The following LINGO1 variants were observed in gnomAD, a reference collection of about 807,000 sequenced individuals.
The protein encoded by LINGO1 is leucine rich repeat and Ig domain containing 1, also known as leucine-rich repeat and immunoglobulin-like domain-containing nogo receptor-interacting protein 1.
A neutral mutation model predicts 37.3 loss-of-function variants in LINGO1; 11 were observed. The observed-to-expected ratio is 0.29, with a 90% CI of 0.19 to 0.49. The LOEUF (loss-of-function observed/expected upper bound fraction) is 0.49, where lower values mean the gene tolerates loss of function less well. LINGO1 is among the 20% of genes least tolerant of loss of function. The probability of loss-of-function intolerance (pLI) is 0.99; values close to 1 mark genes in which losing one functional copy is unlikely to be tolerated. For missense variants in LINGO1, 585 were observed against 878.2 expected (o/e 0.67, Z 4.22); for synonymous variants, 387 against 403.0 (o/e 0.96, Z 0.48).
At chr15:77,685,239 G>A (rs953599308) in intron 2 of LINGO1, among the ~76,000 whole-genome samples, 1 of 152,152 alleles carries the variant, frequency 6.6e-6, no homozygotes, top group Non-Finnish European at 1.5e-5. Context: ...GGGGTGATCT[G>A]TGGAGGAGGC....
chr15:77,754,446 A>G (rs1222388392), intron 1 of LINGO1, among the ~76,000 whole-genome samples: 1 of 152,234 alleles, frequency 6.6e-6, no homozygotes, highest in Admixed American at 6.5e-5. Flanking sequence ...CTCCATAATT[A>G]TGGATAATAA....
intron 2 of LINGO1, among the ~76,000 whole-genome samples, chr15:77,688,499 C>T (rs1173552446): frequency 5.9e-5 from 9 of 151,790 alleles, no homozygotes; most frequent in African/African-American, 2.2e-4. Flanking sequence ...TCCTGACCCT[C>T]GGAGGGCAGA....
intron 1 of LINGO1, among the ~76,000 whole-genome samples, chr15:77,754,285 A>C: frequency 1.7e-5 from 2 of 117,974 alleles, no homozygotes; most frequent in South Asian, 3.2e-4. Flanking sequence ...TGTGGAGGGA[A>C]GGGAGGGAGG....
At chr15:77,664,170 T>TGTGTGTGTGTGTGCGCGC in intron 3 of LINGO1, among the ~76,000 whole-genome samples, 117 of 130,994 alleles carry the variant, frequency 8.9e-4, no homozygotes, top group African/African-American at 4.2e-3. Context: ...TGTGTGTGTG[T>TGTGTGTGTGTGTGCGCGC]GCGCGCGCGC....
At chr15:77,616,063 T>A (rs2073709785) in intron 1 of LINGO1, among the ~76,000 whole-genome samples, 163 bp from the exon 2 acceptor site, 1 of 152,084 alleles carries the variant, frequency 6.6e-6, no homozygotes, top group Non-Finnish European at 1.5e-5. Context: ...TCTGGCCTCC[T>A]CATGCTGCCC....
upstream of LINGO1, among the ~76,000 whole-genome samples, chr15:77,700,130 G>A (rs935815371): frequency 1.3e-5 from 2 of 152,150 alleles, no homozygotes; most frequent in Non-Finnish European, 2.9e-5. Context: ...CCCAGGTAGA[G>A]GGTCCCTTGG....
At chr15:77,660,366 CA>C (rs1467059863) in intron 3 of LINGO1, among the ~76,000 whole-genome samples, 2 of 152,216 alleles carry the variant, frequency 1.3e-5, no homozygotes, top group Non-Finnish European at 2.9e-5. Flanking sequence ...GGGACTTTCT[CA>C]GGGGTGCTCT....
In LINGO1 at chr15:77,614,034, C is replaced by A. The variant is rs772427180; in HGVS notation, c.*10G>T. ...CGGCCGCCCGGGGGTCCCTGCCCCCCGCCCCGGCCTCATATCATCTTCATG... is the reference window on the plus strand; with the variant it reads ...CGGCCGCCCGGGGGTCCCTGCCCCCAGCCCCGGCCTCATATCATCTTCATG... On this transcript the variant is annotated 3_prime_UTR_variant, in exon 2 of 2. Coordinates refer to ENST00000355300, the MANE Select transcript of LINGO1 (RefSeq NM_032808.7). 4 of 1,554,382 alleles carry A rather than the reference C, an allele frequency of 2.6e-6. No homozygotes were observed. The highest frequency in any genetic ancestry group is 1.7e-4 in the Middle Eastern group (1 of 5,778).
In LINGO1 at chr15:77,794,494, ACG is replaced by A. The variant is rs1299093799; in HGVS notation, c.-343+1443_-343+1444del. On this transcript the variant is annotated intron_variant, in intron 2 of 5. Transcript: ENST00000562933. ...CGTATATGTATATACATACATATATACGTATATATGTGTATATACATACATAT... is the reference window on the plus strand; with the variant it reads ...CGTATATGTATATACATACATATATATATATATGTGTATATACATACATAT... 8.7e-4 allele frequency among the ~76,000 whole-genome samples: 111 copies of A among 127,968 alleles called. 5 individuals are homozygous for A. Among genetic ancestry groups the A allele is most frequent in the African/African-American group, 3.2e-3 (108 of 34,214 alleles). The allele number at this position is 127,968 out of a possible 152,430, so 84.0% of individuals were successfully genotyped here. A position where few individuals can be genotyped will look rare whatever the true frequency, so the allele number is the denominator to read the frequency against.
intron 1 of LINGO1, among the ~76,000 whole-genome samples, chr15:77,692,085 G>C (rs2075614127): frequency 6.6e-6 from 1 of 152,350 alleles, no homozygotes; most frequent in South Asian, 2.1e-4. Context: ...GCTGCCCTTT[G>C]TGCCATGATG....
At chr15:77,680,246 TC>T (rs957533418) in intron 2 of LINGO1, among the ~76,000 whole-genome samples, 3 of 152,046 alleles carry the variant, frequency 2.0e-5, no homozygotes, top group Non-Finnish European at 2.9e-5. Context: ...CCTGCCCACA[TC>T]CCACACCGGG....
chr15:77,670,807 G>A (rs1186136682), intron 3 of LINGO1, among the ~76,000 whole-genome samples: 1 of 152,218 alleles, frequency 6.6e-6, no homozygotes, highest in Non-Finnish European at 1.5e-5. Flanking sequence ...GCACAAGAAG[G>A]CAGGCAGCTC....
At chr15:77,756,826 C>CTCTATACAGTATATA (rs1276911306) in intron 1 of LINGO1, among the ~76,000 whole-genome samples, 1 of 152,194 alleles carries the variant, frequency 6.6e-6, no homozygotes, top group Non-Finnish European at 1.5e-5. Flanking sequence ...CTGAATGTCC[C>CTCTATACAGTATATA]CACGTATATA....
intron 1 of LINGO1, among the ~76,000 whole-genome samples, chr15:77,783,115 C>A (rs1232238330): frequency 1.3e-5 from 2 of 152,194 alleles, no homozygotes; most frequent in African/African-American, 4.8e-5. Flanking sequence ...TGCCCATCGC[C>A]TGGATGCCCA....
chr15:77,778,964 C>T (rs1319601442), intron 1 of LINGO1, among the ~76,000 whole-genome samples: 1 of 152,024 alleles, frequency 6.6e-6, no homozygotes, highest in African/African-American at 2.4e-5. Flanking sequence ...TCTTACCACT[C>T]ACGCCCACCG....
At chr15:77,734,823 T>C (rs1004962180) in intron 2 of LINGO1, among the ~76,000 whole-genome samples, 2 of 151,652 alleles carry the variant, frequency 1.3e-5, no homozygotes, top group Non-Finnish European at 2.9e-5. Context: ...ACCCCCTACC[T>C]CGCCCAGTGA....
chr15:77,802,808 G>A (rs982202577), intron 1 of LINGO1, among the ~76,000 whole-genome samples: 3 of 151,982 alleles, frequency 2.0e-5, no homozygotes, highest in South Asian at 2.1e-4. Flanking sequence ...CAGCTGCCAC[G>A]GGAGCACTCC....
intron 1 of LINGO1, among the ~76,000 whole-genome samples, chr15:77,736,729 G>A (rs557979401): frequency 1.3e-5 from 2 of 152,272 alleles, no homozygotes; most frequent in Admixed American, 6.5e-5. Context: ...AGCTATGATC[G>A]TGCCACTGCA....
intron 1 of LINGO1, among the ~76,000 whole-genome samples, chr15:77,778,547 T>C (rs1254995877): frequency 2.0e-5 from 3 of 152,210 alleles, no homozygotes; most frequent in Non-Finnish European, 2.9e-5. Context: ...TCAGATCAGA[T>C]AGGTTACTCC....
Sources: allele counts gnomAD v4.1 joint callset (sites outside exome capture counted in the v4.1 genomes callset), GRCh38; gene constraint gnomAD v4.1.1; transcripts MANE v1.5; gene names NCBI Gene and HGNC (gene_info 2026-07-23, HGNC 2026-07-21).